NEGR1: variants seen among roughly 807,000 people sequenced by gnomAD.
NEGR1 encodes neuronal growth regulator 1, also known as IgLON family member 4.
In NEGR1, 10 loss-of-function variants were observed where a neutral mutation model predicts 40.9. The ratio of observed to expected loss-of-function variants is 0.24; its 90% CI spans 0.15 to 0.42. The LOEUF (loss-of-function observed/expected upper bound fraction) is 0.42. Among genes scored for constraint, NEGR1 ranks in the 10% least tolerant of loss-of-function variants. The probability of loss-of-function intolerance (pLI) is 1.00; values close to 1 mark genes in which losing one functional copy is unlikely to be tolerated. For missense variants in NEGR1, 352 were observed against 438.9 expected, an observed-to-expected ratio of 0.80 and a Z score of 1.77; for synonymous variants, 185 against 166.8, an observed-to-expected ratio of 1.11 and a Z score of -0.84.
At chr1:72,036,706 T>C (rs1312054021) in intron 1 of NEGR1, among the ~76,000 whole-genome samples, 1 of 150,176 alleles carries the variant, frequency 6.7e-6, no homozygotes, top group Non-Finnish European at 1.5e-5. Context: ...AAATTAAAGA[T>C]GTATATTCAT....
chr1:71,860,863 T>C (rs1334878171), intron 2 of NEGR1, among the ~76,000 whole-genome samples: 1 of 151,978 alleles, frequency 6.6e-6, no homozygotes, highest in African/African-American at 2.4e-5. Flanking sequence ...AGTGAACATA[T>C]GAGCATGAAA....
intron 1 of NEGR1, among the ~76,000 whole-genome samples, chr1:71,992,407 T>A (rs968689301): frequency 1.3e-5 from 2 of 152,064 alleles, no homozygotes; most frequent in African/African-American, 2.4e-5. Context: ...TAATTACATA[T>A]CTAGAATGGC....
chr1:72,052,809 G>C (rs1647074764), intron 1 of NEGR1, among the ~76,000 whole-genome samples: 2 of 151,358 alleles, frequency 1.3e-5, no homozygotes, highest in South Asian at 4.2e-4. Context: ...TTATTACATA[G>C]ACTTTATGAA....
At chr1:71,984,774 C>T (rs1177391669) in intron 1 of NEGR1, among the ~76,000 whole-genome samples, 1 of 151,860 alleles carries the variant, frequency 6.6e-6, no homozygotes, top group Non-Finnish European at 1.5e-5. Flanking sequence ...TCCATTAATG[C>T]CAATACAAAT....
At chr1:71,598,785 T>C (rs568631550) in intron 5 of NEGR1, among the ~76,000 whole-genome samples, 1 of 152,378 alleles carries the variant, frequency 6.6e-6, no homozygotes, top group South Asian at 2.1e-4. Flanking sequence ...GTTCCAGTTA[T>C]CGTGATGGTA....
chr1:71,531,617 T>C (rs1275612517), intron 6 of NEGR1, among the ~76,000 whole-genome samples: 2 of 151,282 alleles, frequency 1.3e-5, no homozygotes, highest in African/African-American at 4.8e-5. Context: ...ATTATATTAA[T>C]ATGACACTCA....
At chr1:72,163,029 T>A (rs1651635523) in intron 1 of NEGR1, among the ~76,000 whole-genome samples, 1 of 152,116 alleles carries the variant, frequency 6.6e-6, no homozygotes, top group African/African-American at 2.4e-5. Flanking sequence ...ATTTAGGTTA[T>A]CTTTCCTTCA....
At position 71,603,085 on chromosome 1, in the gene NEGR1, G is replaced by T. The variant is rs558689739; in HGVS notation, c.788+7941C>A. 1.8e-4 allele frequency among the ~76,000 whole-genome samples: 27 copies of T among 152,190 alleles called. 1 individual carries two copies. The highest frequency in any genetic ancestry group is 8.5e-4 in the Admixed American group (13 of 15,286). ...ATAATAATGAGATAACACTAGAAAT[G>T]CAAGTTTCTTCAATTCAAGAACTTT... On this transcript the variant is annotated intron_variant, in intron 5 of 6. Transcript: ENST00000357731.
At chr1:72,221,790 T>C (rs1035748606) in intron 1 of NEGR1, among the ~76,000 whole-genome samples, 12 of 152,162 alleles carry the variant, frequency 7.9e-5, no homozygotes, top group Non-Finnish European at 1.3e-4. Context: ...AAAGCACCAA[T>C]TATGATACAA....
intron 1 of NEGR1, among the ~76,000 whole-genome samples, chr1:72,259,793 G>A (rs1655396779): frequency 6.6e-6 from 1 of 152,032 alleles, no homozygotes; most frequent in Non-Finnish European, 1.5e-5. Context: ...CAATAATGAG[G>A]TACACATAAA....
At chr1:71,807,679 T>G (rs11209845) in intron 2 of NEGR1, among the ~76,000 whole-genome samples, 106 of 152,302 alleles carry the variant, frequency 7.0e-4, no homozygotes, top group African/African-American at 2.4e-3. Flanking sequence ...TTCAAATTTT[T>G]TAAAAATCAA....
At chr1:71,659,197 G>T (rs1036853525) in intron 4 of NEGR1, among the ~76,000 whole-genome samples, 1 of 152,030 alleles carries the variant, frequency 6.6e-6, no homozygotes, top group African/African-American at 2.4e-5. Flanking sequence ...TAATCTTCAG[G>T]GTTATTTGAG....
At chr1:72,096,279 T>A (rs1435038166) in intron 1 of NEGR1, among the ~76,000 whole-genome samples, 1 of 152,172 alleles carries the variant, frequency 6.6e-6, no homozygotes, top group African/African-American at 2.4e-5. Flanking sequence ...CCCTTAGAAT[T>A]TGCATAAACC....
chr1:71,912,862 T>C (rs1372258474), intron 2 of NEGR1, among the ~76,000 whole-genome samples: 2 of 152,170 alleles, frequency 1.3e-5, no homozygotes, highest in South Asian at 2.1e-4. Context: ...TATATGCATA[T>C]AAATTTCCTA....
At chr1:72,081,765 C>G (rs954414142) in intron 1 of NEGR1, among the ~76,000 whole-genome samples, 2 of 151,986 alleles carry the variant, frequency 1.3e-5, no homozygotes, top group Non-Finnish European at 2.9e-5. Context: ...AAATTTGAAC[C>G]TAAAAGCAGC....
chr1:72,139,531 A>G (rs1237599204), intron 1 of NEGR1, among the ~76,000 whole-genome samples: 1 of 152,098 alleles, frequency 6.6e-6, no homozygotes, highest in Admixed American at 6.6e-5. Context: ...AAATTTAACA[A>G]GTTTGATGAA....
intron 1 of NEGR1, among the ~76,000 whole-genome samples, chr1:71,942,507 T>A (rs1645975185): frequency 1.9e-5 from 1 of 53,318 alleles, no homozygotes; most frequent in African/African-American, 8.5e-5. Context: ...TTTTTTTTTT[T>A]TTTTTTTTTT....
At chr1:71,886,084 T>C (rs1440241792) in intron 2 of NEGR1, among the ~76,000 whole-genome samples, 1 of 152,190 alleles carries the variant, frequency 6.6e-6, no homozygotes, top group African/African-American at 2.4e-5. Flanking sequence ...TAATAGTCCT[T>C]ATGACAAGGC....
chr1:71,476,675 A>T (rs182591408), intron 6 of NEGR1, among the ~76,000 whole-genome samples: 3 of 152,228 alleles, frequency 2.0e-5, no homozygotes, highest in Admixed American at 6.5e-5. Context: ...AAGGCTGTGG[A>T]CACTGAGGTT....
Sources: gnomAD v4.1 joint callset for allele counts (sites outside exome capture counted in the v4.1 genomes callset) on GRCh38, gnomAD v4.1.1 for gene constraint, MANE v1.5 for transcripts, NCBI Gene and HGNC (gene_info 2026-07-23, HGNC 2026-07-21) for gene names.